Variants in SATB1 observed in about 807,000 individuals in gnomAD.
The protein encoded by SATB1 is DNA-binding protein SATB1.
A neutral mutation model predicts 86.9 loss-of-function variants in SATB1; 11 were observed. The ratio of observed to expected loss-of-function variants is 0.13; its 90% CI spans 0.08 to 0.21. The LOEUF (loss-of-function observed/expected upper bound fraction) is 0.21, where lower values mean the gene tolerates loss of function less well. Ranked by LOEUF, SATB1 falls within the 10% of genes least tolerant of loss-of-function variation. The pLI, the probability that SATB1 is intolerant of heterozygous loss-of-function variation, is 1.00. For synonymous variants in SATB1, 357 were observed against 357.2 expected, an observed-to-expected ratio of 1.00 and a Z score of 0.01; for missense variants, 551 against 937.6, an observed-to-expected ratio of 0.59 and a Z score of 5.39.
intron 5 of SATB1, chr3:18,414,834 A>G: frequency 3.1e-6 from 1 of 319,324 alleles, no homozygotes; most frequent in East Asian, 6.2e-5. Context: ...AATAGCACTC[A>G]GAAGACAAAT....
intron 7 of SATB1, among the ~76,000 whole-genome samples, chr3:18,390,155 A>C (rs992537193): frequency 6.6e-6 from 1 of 152,172 alleles, no homozygotes. Flanking sequence ...TTAAAACAGC[A>C]GATAAGCGAA....
chr3:18,421,328 G>A (rs980750270), intron 1 of SATB1: 3 of 190,526 alleles, frequency 1.6e-5, no homozygotes, highest in Non-Finnish European at 3.3e-5. Flanking sequence ...TTGCATTTAC[G>A]TAGTCCCAAT....
At chr3:18,399,161 A>T (rs1440654780) in intron 5 of SATB1, among the ~76,000 whole-genome samples, 1 of 152,208 alleles carries the variant, frequency 6.6e-6, no homozygotes, top group Non-Finnish European at 1.5e-5. Context: ...TTAGAAGTGT[A>T]TGGAATATCC....
At chr3:18,393,507 T>C (rs964565063) in intron 7 of SATB1, among the ~76,000 whole-genome samples, 45 of 152,292 alleles carry the variant, frequency 3.0e-4, no homozygotes, top group African/African-American at 1.1e-3. Flanking sequence ...TGACCTCTCA[T>C]ATATATCACT....
upstream of SATB1, among the ~76,000 whole-genome samples, chr3:18,427,636 C>G (rs993120620): frequency 6.6e-6 from 1 of 152,112 alleles, no homozygotes; most frequent in African/African-American, 2.4e-5. Context: ...TCCTAATGAC[C>G]TGGTGAATGC....
intron 7 of SATB1, among the ~76,000 whole-genome samples, chr3:18,391,676 A>G (rs886455032): frequency 1.3e-5 from 2 of 152,062 alleles, no homozygotes; most frequent in Non-Finnish European, 2.9e-5. Flanking sequence ...TGCACATTGT[A>G]CTAGGTGCAC....
chr3:18,417,275 A>G, intron 2 of SATB1, 197 bp from the exon 3 acceptor site: 1 of 586,722 alleles, frequency 1.7e-6, no homozygotes, highest in Non-Finnish European at 2.9e-6. Context: ...TCGTAACAGA[A>G]ATATTTAAGT....
At chr3:18,380,433 G>T (rs1290182230) in intron 8 of SATB1, among the ~76,000 whole-genome samples, 2 of 149,548 alleles carry the variant, frequency 1.3e-5, no homozygotes, top group African/African-American at 2.5e-5. Flanking sequence ...AACTTCTTTG[G>T]TTAATTTTTT....
intron 8 of SATB1, among the ~76,000 whole-genome samples, chr3:18,385,825 A>G (rs979920535): frequency 2.6e-5 from 4 of 152,056 alleles, no homozygotes; most frequent in East Asian, 3.9e-4. Context: ...TCTTTCCTAA[A>G]AAGTCCAAAA....
chr3:18,355,453 C>A (rs920542987), intron 9 of SATB1, among the ~76,000 whole-genome samples: 4 of 151,972 alleles, frequency 2.6e-5, no homozygotes, highest in Non-Finnish European at 4.4e-5. Flanking sequence ...GTACCTTTTT[C>A]TAGGTCAGTT....
chr3:18,391,139 A>G (rs964762363), intron 7 of SATB1, among the ~76,000 whole-genome samples: 1 of 152,146 alleles, frequency 6.6e-6, no homozygotes, highest in African/African-American at 2.4e-5. Context: ...CCATGTGCGA[A>G]AGTCTTGGGA....
chr3:18,401,758 T>C (rs756926197), intron 5 of SATB1, among the ~76,000 whole-genome samples: 11 of 152,136 alleles, frequency 7.2e-5, no homozygotes, highest in Non-Finnish European at 1.2e-4. Flanking sequence ...ATTCTCATCC[T>C]AGGAGCCAAG....
intron 2 of SATB1, among the ~76,000 whole-genome samples, chr3:18,435,704 C>T (rs1575187647): frequency 6.6e-6 from 1 of 151,974 alleles, no homozygotes; most frequent in East Asian, 1.9e-4. Context: ...AAAAATAAAG[C>T]AAGCCAGTAG....
chr3:18,411,098 A>G, intron 5 of SATB1: 1 of 384,484 alleles, frequency 2.6e-6, no homozygotes, highest in Non-Finnish European at 4.6e-6. Context: ...TCTCAATATT[A>G]CTTCTAAATG....
intron 9 of SATB1, among the ~76,000 whole-genome samples, chr3:18,362,049 T>C (rs2125148774): frequency 6.6e-6 from 1 of 152,262 alleles, no homozygotes; most frequent in Non-Finnish European, 1.5e-5. Context: ...GCAAGTGGCT[T>C]TAACTAAAAA....
intron 5 of SATB1, among the ~76,000 whole-genome samples, chr3:18,409,994 G>A (rs1455968490): frequency 6.6e-6 from 1 of 151,996 alleles, no homozygotes; most frequent in African/African-American, 2.4e-5. Flanking sequence ...ATGCCTACTG[G>A]TCTTGAGAAT....
intron 10 of SATB1, chr3:18,350,003 G>A (rs924724438): frequency 6.3e-5 from 21 of 333,378 alleles, no homozygotes; most frequent in South Asian, 9.4e-5. Flanking sequence ...CATCAAAGGC[G>A]AAGACAGCAC....
In SATB1 at chr3:18,349,853, A is replaced by G; in HGVS notation, c.1780-171T>C. Reference sequence around the variant, plus strand: ...GAAATGGCCGACAGCATTTACAAAAAAATCAAAATGATATGACTAGGAAGG... The same window carrying G: ...GAAATGGCCGACAGCATTTACAAAAGAATCAAAATGATATGACTAGGAAGG... On this transcript the variant is annotated intron_variant, in intron 10 of 10. Coordinates refer to ENST00000338745, the MANE Select transcript of SATB1 (RefSeq NM_002971.6). The surrounding 1 kb of genome is among the most constrained non-coding windows in gnomAD (Gnocchi z 5.5). 1 of 1,221,006 alleles carries G rather than the reference A, an allele frequency of 8.2e-7. No individual in the cohort carries two copies. Among genetic ancestry groups the G allele is most frequent in the Non-Finnish European group, 1.1e-6 (1 of 908,378 alleles). 75.6% of individuals were successfully genotyped at this position (1,221,006 alleles called of 1,614,324 possible).
chr3:18,431,020 T>C (rs1040335209), intron 2 of SATB1, among the ~76,000 whole-genome samples: 1 of 152,142 alleles, frequency 6.6e-6, no homozygotes, highest in Non-Finnish European at 1.5e-5. Context: ...GGGAACTTCA[T>C]TGGAAAAAAA....
Sources: allele counts gnomAD v4.1 joint callset (sites outside exome capture counted in the v4.1 genomes callset), GRCh38; gene constraint gnomAD v4.1.1; non-coding constraint Gnocchi (gnomAD v3.1); transcripts MANE v1.5; gene names NCBI Gene and HGNC (gene_info 2026-07-23, HGNC 2026-07-21).